CAMK1D: variants seen among roughly 807,000 people sequenced by gnomAD.
The protein encoded by CAMK1D is calcium/calmodulin-dependent protein kinase type 1D.
A neutral mutation model predicts 47.7 loss-of-function variants in CAMK1D; 9 were observed. The observed-to-expected ratio is 0.19, with a 90% CI of 0.11 to 0.33. The LOEUF is 0.33. Among genes scored for constraint, CAMK1D ranks in the 10% least tolerant of loss-of-function variants. The pLI, the probability that CAMK1D is intolerant of heterozygous loss-of-function variation, is 1.00. For synonymous variants in CAMK1D, 184 were observed against 184.9 expected, an observed-to-expected ratio of 0.99 and a Z score of 0.04; for missense variants, 291 against 488.7, an observed-to-expected ratio of 0.60 and a Z score of 3.81.
At chr10:12,430,401 G>A (rs1832429565) in intron 1 of CAMK1D, among the ~76,000 whole-genome samples, 1 of 152,202 alleles carries the variant, frequency 6.6e-6, no homozygotes. Flanking sequence ...TCCTGTAGCT[G>A]TGAGTTTTTA....
At chr10:12,715,917 C>G (rs1161999933) in intron 3 of CAMK1D, among the ~76,000 whole-genome samples, 1 of 151,852 alleles carries the variant, frequency 6.6e-6, no homozygotes, top group African/African-American at 2.4e-5. Flanking sequence ...ACCATGTTGG[C>G]CAGGCTGGTC....
intron 1 of CAMK1D, among the ~76,000 whole-genome samples, chr10:12,416,304 A>C (rs530296352): frequency 6.6e-6 from 1 of 152,254 alleles, no homozygotes; most frequent in East Asian, 1.9e-4. Context: ...GGAATTATGC[A>C]TGCAATGCCA....
intron 2 of CAMK1D, among the ~76,000 whole-genome samples, chr10:12,563,053 G>A (rs958925030): frequency 3.9e-5 from 6 of 152,246 alleles, no homozygotes; most frequent in African/African-American, 1.4e-4. Context: ...ATTGGCTCAT[G>A]TAATTCTGGA....
At chr10:12,707,673 A>G (rs1042242603) in intron 3 of CAMK1D, among the ~76,000 whole-genome samples, 3 of 152,228 alleles carry the variant, frequency 2.0e-5, no homozygotes, top group African/African-American at 7.2e-5. Context: ...CAATTTATTC[A>G]ACATGATAGT....
intron 3 of CAMK1D, among the ~76,000 whole-genome samples, chr10:12,694,013 TAA>T (rs1287817962): frequency 2.8e-5 from 2 of 71,240 alleles, no homozygotes; most frequent in East Asian, 8.7e-4. Context: ...TAATATATAT[TAA>T]ATATATATAA....
chr10:12,468,307 G>A (rs996159863), intron 1 of CAMK1D, among the ~76,000 whole-genome samples: 5 of 152,300 alleles, frequency 3.3e-5, no homozygotes, highest in East Asian at 1.9e-4. Context: ...AGCAATCTGC[G>A]TGCCTTACCT....
chr10:12,430,552 T>C (rs1162666810), intron 1 of CAMK1D, among the ~76,000 whole-genome samples: 1 of 152,230 alleles, frequency 6.6e-6, no homozygotes, highest in Non-Finnish European at 1.5e-5. Context: ...CACCAGAGTC[T>C]GAGAACGAGG....
At chr10:12,531,533 C>A (rs183172069) in intron 1 of CAMK1D, among the ~76,000 whole-genome samples, 1 of 152,284 alleles carries the variant, frequency 6.6e-6, no homozygotes, top group South Asian at 2.1e-4. Context: ...ATGATTACAG[C>A]GTGTACCATC....
At chr10:12,427,923 G>T (rs1840307806) in intron 1 of CAMK1D, among the ~76,000 whole-genome samples, 1 of 151,342 alleles carries the variant, frequency 6.6e-6, no homozygotes, top group Non-Finnish European at 1.5e-5. Context: ...AGCCAGGATG[G>T]TCTCGATCTC....
At position 12,716,854 on chromosome 10, in the gene CAMK1D, C is replaced by T. The variant is rs377323878; in HGVS notation, c.300-44094C>T. Among the ~76,000 whole-genome samples the T allele has an allele frequency of 1.4e-4, 21 of 152,184 alleles. No homozygotes were observed. In the East Asian group the frequency reaches 2.5e-3, roughly 18 times the overall value. On this transcript the variant is annotated intron_variant, in intron 3 of 10. Transcript: ENST00000619168. Reference sequence around the variant, plus strand: ...GAGGCCAGGCTGGTACCATCACCCGCGGCCTGGCTGTCGGGACTCTCTTAC... The same window carrying T: ...GAGGCCAGGCTGGTACCATCACCCGTGGCCTGGCTGTCGGGACTCTCTTAC...
At chr10:12,492,957 C>A (rs1650202788) in intron 1 of CAMK1D, among the ~76,000 whole-genome samples, 1 of 152,210 alleles carries the variant, frequency 6.6e-6, no homozygotes, top group African/African-American at 2.4e-5. Context: ...ATGGTGGATG[C>A]CCGGCTTCCC....
At chr10:12,541,737 T>G (rs1263821079) in intron 1 of CAMK1D, among the ~76,000 whole-genome samples, 1 of 152,172 alleles carries the variant, frequency 6.6e-6, no homozygotes, top group African/African-American at 2.4e-5. Flanking sequence ...TTTTTCTGTT[T>G]GAAGAATTGA....
chr10:12,421,553 T>C (rs1840052875), intron 1 of CAMK1D, among the ~76,000 whole-genome samples: 1 of 130,654 alleles, frequency 7.7e-6, no homozygotes, highest in African/African-American at 2.8e-5. Context: ...TGAGACAAGG[T>C]CTTGCTCTGT....
chr10:12,406,128 C>T (rs1439191302), intron 1 of CAMK1D, among the ~76,000 whole-genome samples: 1 of 152,136 alleles, frequency 6.6e-6, no homozygotes, highest in African/African-American at 2.4e-5. Flanking sequence ...TTGTGTTTCT[C>T]AGTGGCAGTT....
chr10:12,441,335 C>G (rs761924306), intron 1 of CAMK1D, among the ~76,000 whole-genome samples: 1 of 152,030 alleles, frequency 6.6e-6, no homozygotes, highest in Non-Finnish European at 1.5e-5. Flanking sequence ...GTAGCTGGGA[C>G]TACAGGCATA....
At chr10:12,730,666 G>C (rs1834846498) in intron 3 of CAMK1D, among the ~76,000 whole-genome samples, 1 of 152,144 alleles carries the variant, frequency 6.6e-6, no homozygotes, top group East Asian at 1.9e-4. Context: ...AACCCAGAAG[G>C]GAGACTGAGA....
At chr10:12,821,701 G>A (rs1452662750) in intron 8 of CAMK1D, among the ~76,000 whole-genome samples, 1 of 152,258 alleles carries the variant, frequency 6.6e-6, no homozygotes, top group Non-Finnish European at 1.5e-5. Flanking sequence ...CTGGCCGGGT[G>A]TGGTGGCTCA....
At chr10:12,403,911 GT>G (rs1192178470) in intron 1 of CAMK1D, among the ~76,000 whole-genome samples, 2 of 151,432 alleles carry the variant, frequency 1.3e-5, no homozygotes. Context: ...CAGGTCCCTG[GT>G]TTCCCAGTTC....
At chr10:12,755,468 G>T (rs1836185446) in intron 3 of CAMK1D, among the ~76,000 whole-genome samples, 1 of 152,214 alleles carries the variant, frequency 6.6e-6, no homozygotes, top group African/African-American at 2.4e-5. Flanking sequence ...ACATACGTGT[G>T]CATGTGTCTT....
Sources: gnomAD v4.1 joint callset for allele counts (sites outside exome capture counted in the v4.1 genomes callset) on GRCh38, gnomAD v4.1.1 for gene constraint, MANE v1.5 for transcripts, NCBI Gene and HGNC (gene_info 2026-07-23, HGNC 2026-07-21) for gene names.